The following IARS2 variants were observed in gnomAD, a reference collection of about 807,000 sequenced individuals.
IARS2 encodes isoleucine--tRNA ligase, mitochondrial.
A neutral mutation model predicts 126.3 loss-of-function variants in IARS2; 56 were observed. That is an observed-to-expected ratio of 0.44 (90% CI 0.36 to 0.55). The LOEUF (loss-of-function observed/expected upper bound fraction) is 0.55, where lower values mean the gene tolerates loss of function less well. Among genes scored for constraint, IARS2 ranks in the 20% least tolerant of loss-of-function variants. The probability of loss-of-function intolerance (pLI) is 0.00; values close to 1 mark genes in which losing one functional copy is unlikely to be tolerated. For missense variants in IARS2, 1,127 were observed against 1,245.9 expected (o/e 0.90, Z 1.44); for synonymous variants, 407 against 441.1 (o/e 0.92, Z 0.97).
chr1:220,143,934 T>TG (rs1657536568), intron 21 of IARS2: 1 of 1,141,348 alleles, frequency 8.8e-7, no homozygotes, highest in African/African-American at 1.5e-5. Flanking sequence ...GGGCATTTTA[T>TG]TTGTAAATAT....
chr1:220,140,327 C>T (rs776809281), intron 19 of IARS2, 38 bp downstream of exon 19: 2 of 1,268,614 alleles, frequency 1.6e-6, no homozygotes, highest in South Asian at 1.2e-5. Context: ...TAACAATGGC[C>T]AGGTGTGGTG....
At chr1:220,112,771 T>G (rs1277774456) in intron 11 of IARS2, among the ~76,000 whole-genome samples, 1 of 151,998 alleles carries the variant, frequency 6.6e-6, no homozygotes, top group Non-Finnish European at 1.5e-5. Context: ...GTTGCCCCGG[T>G]TGGTGTCGAA....
At chr1:220,103,265 T>C (rs901090807) in intron 7 of IARS2, among the ~76,000 whole-genome samples, 182 bp from the exon 8 acceptor site, 3 of 152,226 alleles carry the variant, frequency 2.0e-5, no homozygotes, top group Admixed American at 2.0e-4. Context: ...TGAGGCTGGT[T>C]GCAAACTCCC....
At chr1:220,103,627 T>G in intron 8 of IARS2, 65 bp downstream of exon 8, 1 of 958,208 alleles carries the variant, frequency 1.0e-6, no homozygotes, top group Non-Finnish European at 1.7e-6. Context: ...AATTTACTAC[T>G]TTGCTGAACT....
At chr1:220,111,578 A>G (rs928910160) in intron 11 of IARS2, among the ~76,000 whole-genome samples, 2 of 94,254 alleles carry the variant, frequency 2.1e-5, no homozygotes, top group Non-Finnish European at 4.9e-5. Context: ...CTATATGGGT[A>G]TATATATATA....
At chr1:220,137,762 T>C in intron 16 of IARS2, 156 bp from the exon 17 acceptor site, 2 of 734,822 alleles carry the variant, frequency 2.7e-6, no homozygotes, top group East Asian at 5.4e-5. Flanking sequence ...TACAGTCTAA[T>C]TTGAGATTGT....
At chr1:220,132,765 C>A (rs1331894890) in intron 14 of IARS2, among the ~76,000 whole-genome samples, 4 of 151,920 alleles carry the variant, frequency 2.6e-5, no homozygotes, top group Non-Finnish European at 1.5e-5. Context: ...ACCTCGTGAT[C>A]CACCCGCCTT....
At chr1:220,136,977 T>G (rs1558130725) in intron 16 of IARS2, 66 bp downstream of exon 16, 1 of 845,496 alleles carries the variant, frequency 1.2e-6, no homozygotes, top group Non-Finnish European at 1.9e-6. Context: ...GCCAAAGCCC[T>G]TAATATAGTT....
intron 2 of IARS2, among the ~76,000 whole-genome samples, chr1:220,099,648 C>A (rs1015335123): frequency 6.6e-6 from 1 of 152,094 alleles, no homozygotes; most frequent in African/African-American, 2.4e-5. Flanking sequence ...TCTCTGATTT[C>A]ATGGAGTTTA....
rs1217297666 is a variant in IARS2, at chr1:220,142,990, C to A, written c.2607C>A (p.Ile869=). 1 of 1,614,064 alleles carries A rather than the reference C, an allele frequency of 6.2e-7. No homozygotes were observed. The highest frequency in any genetic ancestry group is 1.1e-5 in the South Asian group (1 of 91,060). The change falls in exon 21 of 23, where the codon ATC becomes ATA. Residue 869 remains isoleucine, a synonymous_variant. Transcript: ENST00000366922. Reference sequence around the variant, plus strand: ...CTGGGTGGATTAGTACTAGTTCTATCTGGAAAAAGCCCGGGTTGGAAGAAG... The same window carrying A: ...CTGGGTGGATTAGTACTAGTTCTATATGGAAAAAGCCCGGGTTGGAAGAAG... ...FRTGWISTSS[I]WKKPGLEEAV... is the part of the protein sequence containing the mutation.
chr1:220,124,965 G>T (rs745433364), intron 12 of IARS2, among the ~76,000 whole-genome samples: 1 of 152,208 alleles, frequency 6.6e-6, no homozygotes, highest in African/African-American at 2.4e-5. Context: ...TCAGAAGAGG[G>T]AAGATAATTA....
chr1:220,130,518 T>C (rs1453159399), intron 14 of IARS2, among the ~76,000 whole-genome samples: 2 of 152,146 alleles, frequency 1.3e-5, no homozygotes, highest in South Asian at 2.1e-4. Flanking sequence ...GTCTCTCTTT[T>C]GAGTTGATTT....
chr1:220,138,014 C>G lies in IARS2; in HGVS notation c.2146C>G (p.Leu716Val), dbSNP rs1168864652. ...FTEVAIGPSV[L>V]NAARDDISKL... ...CGAAGTTGCAATTGGCCCATCCGTG[C>G]TCAATGCTGCCAGAGATGATATTAG... The change falls in exon 17 of 23, where the codon CTC becomes GTC. Residue 716 changes from leucine to valine, a missense_variant. Physicochemically the swap from Leu to Val is conservative, Grantham distance 32. Coordinates refer to ENST00000366922, the MANE Select transcript of IARS2 (RefSeq NM_018060.4). The G allele has an allele frequency of 1.9e-6, 3 of 1,613,960 alleles. No individual in the cohort carries two copies. Among genetic ancestry groups the G allele is most frequent in the Non-Finnish European group, 2.5e-6 (3 of 1,180,000 alleles).
chr1:220,102,748 T>A lies in IARS2; in HGVS notation c.921T>A (p.Asn307Lys), dbSNP rs773819050. Residue 307 changes from asparagine to lysine, a missense_variant, in exon 7 of 23, where the codon AAT becomes AAA. Coordinates refer to ENST00000366922, the MANE Select transcript of IARS2 (RefSeq NM_018060.4). ...WTTQPWTIPANEAVCYMPESK... is the reference protein window; with the variant it reads ...WTTQPWTIPAKEAVCYMPESK... ...CACAACCTTGGACGATTCCAGCCAA[T>A]GAAGCTGTTTGCTATATGCCTGAAT... The A allele has an allele frequency of 2.5e-6, 4 of 1,613,244 alleles. No individual in the cohort carries two copies. The highest frequency in any genetic ancestry group is 3.4e-6 in the Non-Finnish European group (4 of 1,179,222).
intron 12 of IARS2, among the ~76,000 whole-genome samples, chr1:220,123,801 C>CTACAGTATAA (rs1657099196): frequency 6.6e-6 from 1 of 152,178 alleles, no homozygotes; most frequent in African/African-American, 2.4e-5. Flanking sequence ...AATTTATACT[C>CTACAGTATAA]ATTTGATTTT....
chr1:220,096,818 A>G (rs12044558), intron 2 of IARS2, among the ~76,000 whole-genome samples: 71,038 of 151,868 alleles, frequency 0.47, 17,797 homozygotes, highest in African/African-American at 0.65. Flanking sequence ...AGGCCGAGGC[A>G]AGCGGATCAC....
chr1:220,144,413 C>A, intron 21 of IARS2: 1 of 548,314 alleles, frequency 1.8e-6, no homozygotes, highest in South Asian at 2.3e-5. Flanking sequence ...TGTCAGTTTT[C>A]TAAAAAACAT....
intron 15 of IARS2, among the ~76,000 whole-genome samples, chr1:220,136,148 T>A (rs1200436109): frequency 1.3e-5 from 2 of 152,180 alleles, no homozygotes; most frequent in East Asian, 3.9e-4. Flanking sequence ...CTTTTTTTGT[T>A]TGAGATGGAG....
rs762555823 is a variant in IARS2 at position 220,143,103 on chromosome 1, T to C, written c.2720T>C (p.Ile907Thr). 2 of 1,614,008 alleles carry C rather than the reference T, an allele frequency of 1.2e-6. No homozygotes were observed. Among genetic ancestry groups the C allele is most frequent in the East Asian group, 2.2e-5 (1 of 44,878 alleles). The change falls in exon 21 of 23, where the codon ATA becomes ACA. Residue 907 changes from isoleucine (I) to threonine (T), a missense_variant. Transcript: ENST00000366922. ...NAAEYKVITV[I>T]EPGLLFEIIE... ...GCTGAGTACAAGGTTATCACTGTGA[T>C]AGAACCTGGACTGCTTTTTGAGATA...
Sources: allele counts gnomAD v4.1 joint callset (sites outside exome capture counted in the v4.1 genomes callset), GRCh38; gene constraint gnomAD v4.1.1; transcripts MANE v1.5; gene names NCBI Gene and HGNC (gene_info 2026-07-23, HGNC 2026-07-21).